CPSF4: variants seen among roughly 807,000 people sequenced by gnomAD.
CPSF4 encodes cleavage and polyadenylation specificity factor subunit 4.
In CPSF4, 11 loss-of-function variants were observed where a neutral mutation model predicts 37.7. The ratio of observed to expected loss-of-function variants is 0.29; its 90% CI spans 0.18 to 0.48. The LOEUF (loss-of-function observed/expected upper bound fraction) is 0.48. CPSF4 is among the 20% of genes least tolerant of loss of function. CPSF4 has a pLI of 0.99. For synonymous variants in CPSF4, 132 were observed against 135.9 expected (o/e 0.97, Z 0.20); for missense variants, 144 against 359.5 (o/e 0.40, Z 4.85).
chr7:99,444,156 C>T (rs185465447), intron 1 of CPSF4, among the ~76,000 whole-genome samples: 4 of 152,078 alleles, frequency 2.6e-5, no homozygotes, highest in East Asian at 3.9e-4. Flanking sequence ...AGCTAGGGGC[C>T]GTTAATTTAT....
Position 99,456,924 on chromosome 7 carries a change from C to G in CPSF4, c.*424C>G, listed in dbSNP as rs544274031. The G allele has an allele frequency of 5.8e-6, 2 of 346,176 alleles. No homozygotes were observed. Among genetic ancestry groups the G allele is most frequent in the South Asian group, 4.6e-5 (2 of 43,628 alleles). 21.4% of individuals were successfully genotyped at this position (346,176 alleles called of 1,614,324 possible). A position where few individuals can be genotyped will look rare whatever the true frequency, so the allele number is the denominator to read the frequency against. ...TGGCCAGCTCACGCCTGCTTCCTCC[C>G]TCCCTGCCCTGCTGAATCCTAAAGC... On this transcript the variant is annotated 3_prime_UTR_variant, in exon 8 of 8. Transcript: ENST00000292476.
intron 6 of CPSF4, chr7:99,452,680 C>G: frequency 2.0e-6 from 1 of 510,132 alleles, no homozygotes; most frequent in Non-Finnish European, 3.6e-6. Context: ...ACAGTCCAGG[C>G]GCCGTGCAAC....
chr7:99,450,575 C>G, intron 4 of CPSF4, 127 bp from the exon 5 acceptor site: 2 of 842,118 alleles, frequency 2.4e-6, no homozygotes, highest in South Asian at 3.0e-5. Flanking sequence ...GATAAGGAGG[C>G]CAGTGTTGGG....
rs768278236 is a variant in CPSF4, at chr7:99,444,779, CT to C, written c.104-7del. On this transcript the variant is annotated splice_polypyrimidine_tract_variant and intron_variant, in intron 1 of 7. Transcript: ENST00000292476. The stretch of plus-strand genomic sequence containing the variant: ...TCTTTGATTCCTCTCCTTTTCTCTC[CT>C]TTCTACAGAGTCGGGCGCTGCTGTC... 6.2e-6 allele frequency: 10 copies of C among 1,613,096 alleles called. No individual in the cohort carries two copies. The East Asian group carries it at 2.0e-4, about 32-fold the overall frequency.
intron 1 of CPSF4, chr7:99,439,433 A>C: frequency 1.0e-5 from 4 of 401,422 alleles, no homozygotes; most frequent in Admixed American, 4.5e-5. Flanking sequence ...GACTCTTCCC[A>C]CTCCATCCTG....
chr7:99,440,810 C>T (rs1369153420), intron 1 of CPSF4, among the ~76,000 whole-genome samples: 2 of 150,478 alleles, frequency 1.3e-5, no homozygotes, highest in African/African-American at 4.9e-5. Flanking sequence ...ATCAGACCAC[C>T]CTATTTGACA....
In CPSF4 at chr7:99,441,445, C is replaced by T. The variant is rs759725088; in HGVS notation, c.103+2260C>T. The T allele has an allele frequency of 9.2e-5, 42 of 456,308 alleles. 1 individual carries two copies. The highest frequency in any genetic ancestry group is 2.0e-4 in the South Asian group (13 of 64,570). The allele number at this position is 456,308 out of a possible 1,614,324, so 28.3% of individuals were successfully genotyped here. A position where few individuals can be genotyped will look rare whatever the true frequency, so the allele number is the denominator to read the frequency against. ...ATGGGTGTTGCTCCAGCCAGGGCTT[C>T]AGAGTCGGTAGGCACCCTCCACACT... On this transcript the variant is annotated intron_variant, in intron 1 of 7. Coordinates refer to ENST00000292476, the MANE Select transcript of CPSF4 (RefSeq NM_006693.4).
rs905440989 is a variant in CPSF4, at chr7:99,457,047, G to A, written c.*547G>A. On this transcript the variant is annotated 3_prime_UTR_variant, in exon 8 of 8. Coordinates refer to ENST00000292476, the MANE Select transcript of CPSF4 (RefSeq NM_006693.4). ...GCCCTGGTCCCAGGTGGCAGCGGTT[G>A]AGGAGGGGTACAGGGCTCTCAAGCC... is the stretch of plus-strand genomic sequence containing the variant. The A allele has an allele frequency of 8.9e-5, 21 of 236,224 alleles. 2 individuals are homozygous for A. In the South Asian group the frequency reaches 1.1e-3, roughly 12 times the overall value. The allele number at this position is 236,224 out of a possible 1,614,324, so 14.6% of individuals were successfully genotyped here. A position where few individuals can be genotyped will look rare whatever the true frequency, so the allele number is the denominator to read the frequency against.
intron 7 of CPSF4, 35 bp from the exon 8 acceptor site, chr7:99,456,397 G>A (rs2151020376): frequency 1.2e-6 from 2 of 1,602,634 alleles, no homozygotes; most frequent in East Asian, 4.5e-5. Flanking sequence ...GTTGTTGTCT[G>A]TCTCTCCTCT....
chr7:99,444,764 C>T (rs1405449586), intron 1 of CPSF4, 25 bp from the exon 2 acceptor site: 1 of 1,609,762 alleles, frequency 6.2e-7, no homozygotes, highest in Non-Finnish European at 8.5e-7. Flanking sequence ...TCTTTGATTC[C>T]TCTCCTTTTC....
At chr7:99,454,281 A>G (rs547256967) in intron 7 of CPSF4, 145 bp downstream of exon 7, 3 of 797,180 alleles carry the variant, frequency 3.8e-6, no homozygotes, top group Admixed American at 2.9e-5. Flanking sequence ...TCTAGTTACC[A>G]TCCACTGTGG....
rs372671621 is a variant in CPSF4, at chr7:99,453,870, T to G, written c.571-96T>G. On this transcript the variant is annotated intron_variant, in intron 6 of 7. Coordinates refer to ENST00000292476, the MANE Select transcript of CPSF4 (RefSeq NM_006693.4). This position sits in a 1 kb window ranked among gnomAD's most constrained non-coding sequence, Gnocchi z 4.7. The stretch of plus-strand genomic sequence containing the variant: ...CGTGGAAGCCCTGCTTCCTGCCGTT[T>G]GCGGGACGAGTCCCGCCCTCTTTTT... 6 of 1,195,928 alleles carry G rather than the reference T, an allele frequency of 5.0e-6. No individual in the cohort carries two copies. The African/African-American group carries it at 9.1e-5, about 18-fold the overall frequency. The allele number at this position is 1,195,928 out of a possible 1,614,324, so 74.1% of individuals were successfully genotyped here.
chr7:99,453,795 C>A lies in CPSF4; in HGVS notation c.571-171C>A. The A allele has an allele frequency of 1.6e-6, 1 of 619,328 alleles. No individual in the cohort carries two copies. The highest frequency in any genetic ancestry group is 2.1e-5 in the South Asian group (1 of 47,158). The allele number at this position is 619,328 out of a possible 1,614,324, so 38.4% of individuals were successfully genotyped here. A position where few individuals can be genotyped will look rare whatever the true frequency, so the allele number is the denominator to read the frequency against. ...GGTGTTTTTCGGGCAGTGGCTTCTG[C>A]CATCATCACCACATGTTTCTCTGCT... is the stretch of plus-strand genomic sequence containing the variant. On this transcript the variant is annotated intron_variant, in intron 6 of 7. Transcript: ENST00000292476. The surrounding 1 kb of genome is among the most constrained non-coding windows in gnomAD (Gnocchi z 4.7).
chr7:99,440,782 T>C (rs1005245519), intron 1 of CPSF4, among the ~76,000 whole-genome samples: 1 of 148,554 alleles, frequency 6.7e-6, no homozygotes, highest in Non-Finnish European at 1.5e-5. Flanking sequence ...GACAAGATAG[T>C]GCTTATAAGG....
chr7:99,455,445 A>G (rs1436289851), intron 7 of CPSF4, among the ~76,000 whole-genome samples: 1 of 152,238 alleles, frequency 6.6e-6, no homozygotes, highest in East Asian at 1.9e-4. Context: ...TCACGCCTGT[A>G]ATCCCAGCAC....
intron 2 of CPSF4, 53 bp downstream of exon 2, chr7:99,444,892 T>C (rs536096832): frequency 6.6e-7 from 1 of 1,514,996 alleles, no homozygotes; most frequent in African/African-American, 1.4e-5. Flanking sequence ...TCCCACCTCC[T>C]TCTCCCCGGC....
rs763589297 is a variant in CPSF4 at position 99,439,219 on chromosome 7, G to A, written c.103+34G>A. ...GGGGCCCGGGCGGGAGGGCAAGAGC[G>A]ACTCGAACCCGGGACCCGCTCCTCT... is the stretch of plus-strand genomic sequence containing the variant. On this transcript the variant is annotated intron_variant, in intron 1 of 7. Coordinates refer to ENST00000292476, the MANE Select transcript of CPSF4 (RefSeq NM_006693.4). 4 of 1,501,704 alleles carry A rather than the reference G, an allele frequency of 2.7e-6. No homozygotes were observed. The African/African-American group carries it at 4.1e-5, about 16-fold the overall frequency. 93.0% of individuals were successfully genotyped at this position (1,501,704 alleles called of 1,614,324 possible). A position where few individuals can be genotyped will look rare whatever the true frequency, so the allele number is the denominator to read the frequency against.
At chr7:99,440,674 A>ATATATATATATATAT in intron 1 of CPSF4, among the ~76,000 whole-genome samples, 3 of 88,090 alleles carry the variant, frequency 3.4e-5, no homozygotes, top group African/African-American at 1.9e-4. Flanking sequence ...ATATATATAT[A>ATATATATATATATAT]TTTTTTTTTT....
At chr7:99,452,492 G>A (rs762880895) in intron 6 of CPSF4, 52 bp downstream of exon 6, 6 of 1,498,006 alleles carry the variant, frequency 4.0e-6, no homozygotes. Flanking sequence ...TCTACAGCGA[G>A]AACCTCAGTG....
Sources: gnomAD v4.1 joint callset for allele counts (sites outside exome capture counted in the v4.1 genomes callset) on GRCh38, gnomAD v4.1.1 for gene constraint, Gnocchi (gnomAD v3.1) non-coding constraint, MANE v1.5 for transcripts, NCBI Gene and HGNC (gene_info 2026-07-23, HGNC 2026-07-21) for gene names.